EYA1: variants seen among roughly 807,000 people sequenced by gnomAD.
The protein encoded by EYA1 is EYA transcriptional coactivator and phosphatase 1, also known as protein phosphatase EYA1.
A neutral mutation model predicts 82.0 loss-of-function variants in EYA1; 16 were observed. The ratio of observed to expected loss-of-function variants is 0.20; its 90% CI spans 0.13 to 0.30. The LOEUF (loss-of-function observed/expected upper bound fraction) is 0.30. Among genes scored for constraint, EYA1 ranks in the 10% least tolerant of loss-of-function variants. The probability of loss-of-function intolerance (pLI) is 1.00; values close to 1 mark genes in which losing one functional copy is unlikely to be tolerated. For missense variants in EYA1, 633 were observed against 730.7 expected (o/e 0.87, Z 1.54); for synonymous variants, 261 against 264.4 (o/e 0.99, Z 0.12).
intron 2 of EYA1, among the ~76,000 whole-genome samples, chr8:71,455,277 C>CA (rs869196966): frequency 6.6e-6 from 1 of 150,536 alleles, no homozygotes; most frequent in Admixed American, 6.6e-5. Context: ...GCCTACCAAC[C>CA]AAAAAAAAAG....
At chr8:71,468,422 A>C (rs893289086) in intron 2 of EYA1, among the ~76,000 whole-genome samples, 3 of 152,122 alleles carry the variant, frequency 2.0e-5, no homozygotes, top group Admixed American at 6.6e-5. Context: ...GTTGGAGTCC[A>C]ACGGAAGTGT....
At chr8:71,281,878 GC>G (rs1252381435) in intron 9 of EYA1, among the ~76,000 whole-genome samples, 3 of 152,242 alleles carry the variant, frequency 2.0e-5, no homozygotes, top group Non-Finnish European at 2.9e-5. Context: ...GTATCACAGA[GC>G]ACCTATGTGC....
intron 2 of EYA1, among the ~76,000 whole-genome samples, chr8:71,483,417 G>C (rs1414506577): frequency 6.6e-6 from 1 of 152,102 alleles, no homozygotes; most frequent in African/African-American, 2.4e-5. Flanking sequence ...AATCAGGTTT[G>C]CCACACTGAA....
intron 2 of EYA1, among the ~76,000 whole-genome samples, chr8:71,368,891 A>G (rs1169153029): frequency 6.6e-6 from 1 of 152,044 alleles, no homozygotes; most frequent in Non-Finnish European, 1.5e-5. Context: ...GACATTTCAC[A>G]TTAAGATCTT....
Position 71,299,194 on chromosome 8 carries a change from C to G in EYA1, c.679G>C (p.Ala227Pro), listed in dbSNP as rs202168841. The change falls in exon 9 of 18, where the codon GCA becomes CCA. Residue 227 changes from alanine (A) to proline (P), a missense_variant. By Grantham distance (27) the Ala-to-Pro change is conservative (BLOSUM62 -1). Transcript: ENST00000340726. ...TACGGTGAGCTGTTATAATACTGTG[C>G]GTACTGACCCTGGCCAAAACTGGGA... The part of the protein sequence containing the change: ...SYPSFGQGQY[A>P]QYYNSSPYPA... 3.1e-6 allele frequency: 5 copies of G among 1,614,052 alleles called. No homozygotes were observed. The East Asian group carries it at 1.1e-4, about 36-fold the overall frequency.
intron 2 of EYA1, among the ~76,000 whole-genome samples, chr8:71,400,670 G>T (rs1367229531): frequency 3.3e-5 from 5 of 152,190 alleles, no homozygotes; most frequent in Admixed American, 1.3e-4. Flanking sequence ...CAATAGGAAT[G>T]CTTTTACACT....
chr8:71,528,819 T>C (rs1283668105), intron 2 of EYA1, among the ~76,000 whole-genome samples: 1 of 152,222 alleles, frequency 6.6e-6, no homozygotes, highest in Non-Finnish European at 1.5e-5. Context: ...AAAGGTATTA[T>C]TATGCCTAAT....
chr8:71,264,303 A>G (rs1402718116), intron 11 of EYA1, among the ~76,000 whole-genome samples: 3 of 152,188 alleles, frequency 2.0e-5, no homozygotes, highest in Non-Finnish European at 4.4e-5. Context: ...TCTACTGGCG[A>G]ACTGAGCTGT....
intron 2 of EYA1, among the ~76,000 whole-genome samples, chr8:71,522,600 A>G (rs1046118109): frequency 2.6e-5 from 4 of 150,966 alleles, no homozygotes; most frequent in South Asian, 2.1e-4. Flanking sequence ...TGTATGGAAA[A>G]TTCTGCTATC....
intron 4 of EYA1, among the ~76,000 whole-genome samples, chr8:71,329,366 G>A (rs1823544337): frequency 6.6e-6 from 1 of 151,902 alleles, no homozygotes; most frequent in South Asian, 2.1e-4. Flanking sequence ...TGCTCTATCT[G>A]GCAAACCCTT....
chr8:71,252,322 A>G (rs56129932), intron 11 of EYA1, among the ~76,000 whole-genome samples: 32,159 of 151,792 alleles, frequency 0.21, 3,509 homozygotes, highest in Middle Eastern at 0.3. Flanking sequence ...CTGAAGTGCT[A>G]TATGTATTGT....
chr8:71,485,138 T>C (rs1810465321), intron 2 of EYA1, among the ~76,000 whole-genome samples: 1 of 152,244 alleles, frequency 6.6e-6, no homozygotes, highest in South Asian at 2.1e-4. Flanking sequence ...TGATTTATTG[T>C]TGTGAATAAA....
chr8:71,210,048 G>T (rs540011583), intron 17 of EYA1, among the ~76,000 whole-genome samples: 3 of 152,002 alleles, frequency 2.0e-5, no homozygotes, highest in Non-Finnish European at 2.9e-5. Flanking sequence ...CCTCAAACTA[G>T]CCCAATGAGC....
chr8:71,374,803 C>T (rs989415675), intron 2 of EYA1, among the ~76,000 whole-genome samples: 1 of 152,058 alleles, frequency 6.6e-6, no homozygotes, highest in Non-Finnish European at 1.5e-5. Flanking sequence ...TATATATACA[C>T]AATGGAATAT....
intron 2 of EYA1, among the ~76,000 whole-genome samples, chr8:71,393,031 A>G (rs1281495518): frequency 6.6e-6 from 1 of 152,150 alleles, no homozygotes; most frequent in East Asian, 1.9e-4. Context: ...TTCATAGAAT[A>G]CCTTTCTGCA....
At chr8:71,461,152 C>G (rs891287520) in intron 2 of EYA1, among the ~76,000 whole-genome samples, 1 of 152,064 alleles carries the variant, frequency 6.6e-6, no homozygotes, top group Non-Finnish European at 1.5e-5. Context: ...GCTTTTCTGG[C>G]CAGAAACCTT....
intron 2 of EYA1, among the ~76,000 whole-genome samples, chr8:71,448,385 A>C (rs1243800863): frequency 6.6e-6 from 1 of 152,086 alleles, no homozygotes; most frequent in East Asian, 1.9e-4. Context: ...CATCTGTTCA[A>C]ATTTTATCGT....
chr8:71,491,544 A>G (rs1810998648), intron 2 of EYA1, among the ~76,000 whole-genome samples: 1 of 152,212 alleles, frequency 6.6e-6, no homozygotes, highest in Non-Finnish European at 1.5e-5. Context: ...CTAATCCAAT[A>G]TGCCTGAATT....
At chr8:71,240,988 T>G (rs1013423451) in intron 12 of EYA1, among the ~76,000 whole-genome samples, 5 of 152,226 alleles carry the variant, frequency 3.3e-5, no homozygotes, top group Admixed American at 2.6e-4. Context: ...GACTTCCATA[T>G]AGGCATCATC....
Sources: gnomAD v4.1 joint callset for allele counts (sites outside exome capture counted in the v4.1 genomes callset) on GRCh38, gnomAD v4.1.1 for gene constraint, MANE v1.5 for transcripts, NCBI Gene and HGNC (gene_info 2026-07-23, HGNC 2026-07-21) for gene names.